PCNT: variants seen among roughly 807,000 people sequenced by gnomAD.
The protein encoded by PCNT is pericentrin.
A neutral mutation model predicts 380.4 loss-of-function variants in PCNT; 319 were observed. The ratio of observed to expected loss-of-function variants is 0.84; its 90% CI spans 0.77 to 0.92. PCNT has a LOEUF of 0.92. Among genes scored for constraint, PCNT ranks in the 40% least tolerant of loss-of-function variants. The pLI, the probability that PCNT is intolerant of heterozygous loss-of-function variation, is 0.00. For synonymous variants in PCNT, 1,845 were observed against 1,735.2 expected (o/e 1.06, Z -1.57); for missense variants, 4,400 against 4,255.3 (o/e 1.03, Z -0.95).
rs1200948993 is a variant in PCNT at position 46,381,194 on chromosome 21, CTCTGTGTGTGTGTGTGTGTG to C, written c.3166-498_3166-479del. Among the ~76,000 whole-genome samples, 226 of 72,904 alleles carry C rather than the reference CTCTGTGTGTGTGTGTGTGTG, an allele frequency of 3.1e-3. 6 individuals are homozygous for C. Among genetic ancestry groups the C allele is most frequent in the Non-Finnish European group, 3.8e-3 (155 of 40,752 alleles). The allele number at this position is 72,904 out of a possible 152,430, so 47.8% of individuals were successfully genotyped here. On this transcript the variant is annotated intron_variant, in intron 15 of 46. Coordinates refer to ENST00000359568, the MANE Select transcript of PCNT (RefSeq NM_006031.6). ...CCTTCCAAAAAAAAAAAAAAAAAAT[CTCTGTGTGTGTGTGTGTGTG>C]TGTGTGTGTGTGTGTGTGTGTGTGT...
Position 46,382,480 on chromosome 21 carries a change from C to T in PCNT, c.3312+640C>T, listed in dbSNP as rs1161986414. 9.1e-5 allele frequency among the ~76,000 whole-genome samples: 13 copies of T among 143,548 alleles called. 2 individuals carry two copies. Among genetic ancestry groups the T allele is most frequent in the Non-Finnish European group, 1.4e-4 (9 of 65,840 alleles). The allele number at this position is 143,548 out of a possible 152,430, so 94.2% of individuals were successfully genotyped here. A position where few individuals can be genotyped will look rare whatever the true frequency, so the allele number is the denominator to read the frequency against. On this transcript the variant is annotated intron_variant, in intron 16 of 46. Transcript: ENST00000359568. ...ATTCACCATGTTGTATATTCAGTGA[C>T]GGAAGCGCATTCACGGTGTTGTGCA...
At position 46,436,096 on chromosome 21, in the gene PCNT, C is replaced by T. The variant is rs1382667028; in HGVS notation, c.8944C>T (p.Leu2982=). 2.5e-6 allele frequency: 4 copies of T among 1,611,698 alleles called. No homozygotes were observed. Among genetic ancestry groups the T allele is most frequent in the East Asian group, 2.2e-5 (1 of 44,864 alleles). Residue 2982 remains leucine, a synonymous_variant, in exon 39 of 47, where the codon CTG becomes TTG. Coordinates refer to ENST00000359568, the MANE Select transcript of PCNT (RefSeq NM_006031.6). ...AGAGCTGGAGGCGATGAGGCAGCGG[C>T]TGCTCTCTGCCGCCCGGCTTCTCAC... is the stretch of plus-strand genomic sequence containing the variant. ...QRELEAMRQR[L]LSAARLLTSF... is the part of the protein sequence containing the mutation.
chr21:46,424,245 G>A (rs1235522756), intron 32 of PCNT, among the ~76,000 whole-genome samples: 1 of 152,226 alleles, frequency 6.6e-6, no homozygotes, highest in Admixed American at 6.5e-5. Context: ...ACCTCTGGCC[G>A]TGCCTGGAAT....
At chr21:46,346,483 T>C (rs760361195) in intron 4 of PCNT, among the ~76,000 whole-genome samples, 2 of 152,116 alleles carry the variant, frequency 1.3e-5, no homozygotes, top group Non-Finnish European at 2.9e-5. Flanking sequence ...CCCCTCCAGG[T>C]ACACACAGTG....
chr21:46,434,609 C>T (rs1032943458), intron 38 of PCNT, among the ~76,000 whole-genome samples: 1 of 152,228 alleles, frequency 6.6e-6, no homozygotes, highest in Non-Finnish European at 1.5e-5. Flanking sequence ...TGGTGGGAGT[C>T]GGGCCCTGGG....
chr21:46,400,077 G>C (rs2086369738), intron 25 of PCNT, among the ~76,000 whole-genome samples: 1 of 152,096 alleles, frequency 6.6e-6, no homozygotes, highest in South Asian at 2.1e-4. Context: ...ATTTCATAAA[G>C]TAAACATTTA....
chr21:46,434,837 C>T (rs1174899008), intron 38 of PCNT, among the ~76,000 whole-genome samples: 4 of 152,308 alleles, frequency 2.6e-5, no homozygotes, highest in East Asian at 1.9e-4. Context: ...TTGGTATGAG[C>T]GTCTGGGCGT....
At position 46,440,938 on chromosome 21, in the gene PCNT, G is replaced by A. The variant is rs1181591832; in HGVS notation, c.9477G>A (p.Leu3159=). 3.7e-6 allele frequency: 6 copies of A among 1,613,096 alleles called. No homozygotes were observed. Among genetic ancestry groups the A allele is most frequent in the Middle Eastern group, 1.6e-4 (1 of 6,084 alleles). ...LIYQKKYLLL[L]IGGFQDSEQE... is the part of the protein sequence containing the mutation. ...ATCAAAAGAAGTATCTTTTGCTGTT[G>A]ATTGGTGGATTCCAGGATTCTGAAC... Residue 3159 remains leucine (L), a synonymous_variant, in exon 43 of 47, where the codon TTG becomes TTA. Coordinates refer to ENST00000359568, the MANE Select transcript of PCNT (RefSeq NM_006031.6).
chr21:46,328,460 A>G (rs550534264), intron 2 of PCNT, among the ~76,000 whole-genome samples: 1 of 150,456 alleles, frequency 6.6e-6, no homozygotes, highest in South Asian at 2.1e-4. Flanking sequence ...CTGGTTGCAT[A>G]TGTTTTTTGG....
Position 46,402,350 on chromosome 21 carries a change from AGC to A in PCNT, c.4983_4984del (p.Gln1661HisfsTer7). The A allele has an allele frequency of 6.2e-7, 1 of 1,607,718 alleles. No homozygotes were observed. The highest frequency in any genetic ancestry group is 8.5e-7 in the Non-Finnish European group (1 of 1,174,188). Reference sequence around the variant, plus strand: ...TGAAAGGTTTTGGACTTAAAAGAACAGCTAGAAAAGATGAAAGGTGACTTAGA... The same window carrying A: ...TGAAAGGTTTTGGACTTAAAAGAACATAGAAAAGATGAAAGGTGACTTAGA... On this transcript the variant is annotated frameshift_variant, in exon 27 of 47. Coordinates refer to ENST00000359568, the MANE Select transcript of PCNT (RefSeq NM_006031.6). LOFTEE classifies it high-confidence loss of function.
chr21:46,354,194 C>T (rs1391922451), intron 11 of PCNT, 126 bp downstream of exon 11: 12 of 846,382 alleles, frequency 1.4e-5, no homozygotes, highest in South Asian at 8.5e-5. Flanking sequence ...AGGCTGCTTG[C>T]GGATGCTGCC....
At chr21:46,353,380 C>CTT (rs2084347434) in intron 10 of PCNT, 54 bp downstream of exon 10, 1 of 1,442,640 alleles carries the variant, frequency 6.9e-7, no homozygotes, top group South Asian at 1.1e-5. Context: ...GGGCCAGGCT[C>CTT]TGAGTTCAGG....
chr21:46,336,691 CCTG>C (rs2083746301), intron 3 of PCNT, among the ~76,000 whole-genome samples: 1 of 152,104 alleles, frequency 6.6e-6, no homozygotes, highest in Non-Finnish European at 1.5e-5. Context: ...TGTGCTCACT[CCTG>C]CTGGGATGTT....
chr21:46,383,782 T>C (rs1367268994), intron 16 of PCNT, among the ~76,000 whole-genome samples: 3 of 123,604 alleles, frequency 2.4e-5, no homozygotes, highest in South Asian at 5.6e-4. Context: ...ATTCACGGTG[T>C]TGTGCGTTCA....
intron 15 of PCNT, among the ~76,000 whole-genome samples, chr21:46,368,294 A>C (rs1223255658): frequency 6.6e-6 from 1 of 152,164 alleles, no homozygotes; most frequent in Non-Finnish European, 1.5e-5. Flanking sequence ...AAATCCAAAA[A>C]AAAATTAGCT....
chr21:46,327,667 G>T (rs1361339733), intron 2 of PCNT, among the ~76,000 whole-genome samples: 5 of 152,270 alleles, frequency 3.3e-5, no homozygotes, highest in African/African-American at 1.2e-4. Flanking sequence ...AGTTCTTCGT[G>T]TGTGGTCGTG....
chr21:46,348,834 G>A lies in PCNT; in HGVS notation c.1033-178G>A, dbSNP rs113857144. 7.3e-4 allele frequency among the ~76,000 whole-genome samples: 111 copies of A among 151,744 alleles called. 2 individuals are homozygous for A. Among genetic ancestry groups the A allele is most frequent in the African/African-American group, 2.5e-3 (103 of 41,370 alleles). ...GGGGTCTCACTATGTTGCCCGGGCT[G>A]GTCTGTAACCCTAACTCCTGGGCTC... On this transcript the variant is annotated intron_variant, in intron 6 of 46. Coordinates refer to ENST00000359568, the MANE Select transcript of PCNT (RefSeq NM_006031.6).
In PCNT at chr21:46,369,644, T is replaced by C. The variant is rs182398994; in HGVS notation, c.3165+2505T>C. 3.1e-3 allele frequency among the ~76,000 whole-genome samples: 467 copies of C among 152,382 alleles called. 3 individuals are homozygous for C. The highest frequency in any genetic ancestry group is 0.011 in the African/African-American group (446 of 41,590). On this transcript the variant is annotated intron_variant, in intron 15 of 46. Transcript: ENST00000359568. ...AATATTCAGAAAGGAGGAACTTGCA[T>C]ATCACACATGAAGTGTGTGTTTCAA...
At position 46,430,214 on chromosome 21, in the gene PCNT, A is replaced by G; in HGVS notation, c.7895A>G (p.Gln2632Arg). Residue 2632 changes from glutamine (Q) to arginine (R), a missense_variant, in exon 36 of 47, where the codon CAG (glutamine) becomes CGG (arginine). Transcript: ENST00000359568. ...TCCCGGTCCCTCTGCGAGGTGCAGC[A>G]GGAGGTCCTCCAGCTGAGGTGCGCC... ...QLSRSLCEVQ[Q>R]EVLQLRSMLS... 5.6e-6 allele frequency: 9 copies of G among 1,613,224 alleles called. No homozygotes were observed. The highest frequency in any genetic ancestry group is 3.4e-4 in the Middle Eastern group (2 of 5,806).
Sources: gnomAD v4.1 joint callset for allele counts (sites outside exome capture counted in the v4.1 genomes callset) on GRCh38, gnomAD v4.1.1 for gene constraint, MANE v1.5 for transcripts, NCBI Gene and HGNC (gene_info 2026-07-23, HGNC 2026-07-21) for gene names.